The following ATP8A2 variants were observed in gnomAD, a reference collection of about 807,000 sequenced individuals.
The protein encoded by ATP8A2 is phospholipid-transporting ATPase IB.
Under a neutral mutation model 165.6 loss-of-function variants are expected in ATP8A2, and 100 were observed. The ratio of observed to expected loss-of-function variants is 0.60; its 90% CI spans 0.51 to 0.71. The LOEUF (loss-of-function observed/expected upper bound fraction) is 0.71. Among genes scored for constraint, ATP8A2 ranks in the 30% least tolerant of loss-of-function variants. The probability of loss-of-function intolerance (pLI) is 0.00; values close to 1 mark genes in which losing one functional copy is unlikely to be tolerated. For missense variants in ATP8A2, 1,227 were observed against 1,479.5 expected (o/e 0.83, Z 2.80); for synonymous variants, 543 against 548.8 (o/e 0.99, Z 0.15).
intron 28 of ATP8A2, among the ~76,000 whole-genome samples, chr13:25,833,109 C>T (rs752075874): frequency 1.3e-5 from 2 of 150,642 alleles, no homozygotes; most frequent in Non-Finnish European, 1.5e-5. Flanking sequence ...CCTAGAAATG[C>T]AAAGGAAGTA....
At chr13:25,768,076 T>TGGGGGGGGGGGGGGGG (rs397942177) in intron 25 of ATP8A2, among the ~76,000 whole-genome samples, 1 of 49,322 alleles carries the variant, frequency 2.0e-5, no homozygotes, top group African/African-American at 5.6e-5. Context: ...TGTGGTGGCG[T>TGGGGGGGGGGGGGGGG]GGGGGGGGGG....
intron 33 of ATP8A2, among the ~76,000 whole-genome samples, chr13:25,919,050 T>G (rs74039601): frequency 1.1e-3 from 164 of 152,296 alleles, no homozygotes; most frequent in African/African-American, 3.9e-3. Flanking sequence ...GATAATGAAT[T>G]CTCTTTTTTA....
intron 24 of ATP8A2, among the ~76,000 whole-genome samples, chr13:25,696,464 A>G (rs770136343): frequency 1.2e-4 from 19 of 152,196 alleles, no homozygotes; most frequent in Non-Finnish European, 2.6e-4. Context: ...TACATTGAAA[A>G]TCTGTTATTC....
At position 25,988,146 on chromosome 13, in the gene ATP8A2, C is replaced by T. The variant is rs546607552; in HGVS notation, c.3377+19467C>T. Among the ~76,000 whole-genome samples the T allele has an allele frequency of 5.9e-5, 9 of 152,342 alleles. No individual in the cohort carries two copies. The South Asian group carries it at 1.9e-3, about 32-fold the overall frequency. ...ATGGAGACTTGTCACAGGTTGGTGA[C>T]TGAGAAGGGTCCACCTGAAACACTT... On this transcript the variant is annotated intron_variant, in intron 35 of 36. Coordinates refer to ENST00000381655, the MANE Select transcript of ATP8A2 (RefSeq NM_016529.6).
In ATP8A2 at chr13:25,642,167, A is replaced by G. The variant is rs570085418; in HGVS notation, c.2211+52468A>G. Reference sequence around the variant, plus strand: ...AAAACCCTAGAAGAAAACCTAGGCAATACCATTCAGGACATAGGCATGGGC... The same window carrying G: ...AAAACCCTAGAAGAAAACCTAGGCAGTACCATTCAGGACATAGGCATGGGC... On this transcript the variant is annotated intron_variant, in intron 24 of 36. Coordinates refer to ENST00000381655, the MANE Select transcript of ATP8A2 (RefSeq NM_016529.6). Among the ~76,000 whole-genome samples the G allele has an allele frequency of 4.4e-3, 667 of 152,308 alleles. 7 individuals are homozygous for G. Among genetic ancestry groups the G allele is most frequent in the Non-Finnish European group, 5.0e-3 (340 of 68,014 alleles).
intron 30 of ATP8A2, among the ~76,000 whole-genome samples, chr13:25,855,023 G>A (rs1952117459): frequency 6.6e-6 from 1 of 152,060 alleles, no homozygotes; most frequent in Non-Finnish European, 1.5e-5. Flanking sequence ...GGCTAAGGCA[G>A]GTGGATCACC....
intron 24 of ATP8A2, among the ~76,000 whole-genome samples, chr13:25,643,762 A>G (rs1473581421): frequency 2.7e-5 from 4 of 149,692 alleles, no homozygotes; most frequent in Non-Finnish European, 4.4e-5. Flanking sequence ...TCAGTTCCAG[A>G]TGAATTTTAG....
intron 1 of ATP8A2, among the ~76,000 whole-genome samples, chr13:25,376,777 A>G (rs965282939): frequency 6.6e-6 from 1 of 152,230 alleles, no homozygotes; most frequent in African/African-American, 2.4e-5. Flanking sequence ...TCCTTTCTAA[A>G]TCTAATGATG....
chr13:25,553,880 T>C lies in ATP8A2; in HGVS notation c.1145T>C (p.Leu382Pro), dbSNP rs2038897896. 6.2e-7 allele frequency: 1 copy of C among 1,613,710 alleles called. No individual in the cohort carries two copies. Among genetic ancestry groups the C allele is most frequent in the African/African-American group, 1.3e-5 (1 of 74,936 alleles). ...NLIPISLLVTLEVVKYTQALF... is the reference protein window; with the variant it reads ...NLIPISLLVTPEVVKYTQALF... ...ATTCCCATCAGTCTGTTGGTGACTC[T>C]TGAGGTTGTGAAGTATACTCAAGCC... is the stretch of plus-strand genomic sequence containing the variant. Residue 382 changes from leucine (L) to proline (P), a missense_variant, in exon 12 of 37, where the codon CTT becomes CCT. By Grantham distance (98) the Leu-to-Pro change is moderately conservative. Around this residue, in one of 5 missense-constraint regions of ATP8A2, gnomAD observed 592 missense variants for 785.6 expected, o/e 0.75. Transcript: ENST00000381655.
At chr13:25,839,712 C>A in intron 30 of ATP8A2, 88 bp downstream of exon 30, 1 of 1,062,056 alleles carries the variant, frequency 9.4e-7, no homozygotes. Context: ...TCCAGTTCTG[C>A]AGAACAAGAG....
At chr13:25,526,856 AG>A (rs1171483987) in intron 2 of ATP8A2, among the ~76,000 whole-genome samples, 1 of 152,196 alleles carries the variant, frequency 6.6e-6, no homozygotes, top group African/African-American at 2.4e-5. Flanking sequence ...AGGTAGGAAC[AG>A]GTATCCTGCC....
chr13:25,963,775 C>G (rs1237134589), intron 34 of ATP8A2, among the ~76,000 whole-genome samples: 1 of 152,254 alleles, frequency 6.6e-6, no homozygotes, highest in East Asian at 1.9e-4. Context: ...TGTCCATTTT[C>G]TGGCTCTTTT....
chr13:25,971,855 G>A (rs945138695), intron 35 of ATP8A2, among the ~76,000 whole-genome samples: 3 of 152,072 alleles, frequency 2.0e-5, no homozygotes, highest in African/African-American at 7.2e-5. Context: ...CAGGCCAGGA[G>A]CCCATCCTCC....
At chr13:25,748,632 C>G (rs999723912) in intron 25 of ATP8A2, among the ~76,000 whole-genome samples, 10 of 152,112 alleles carry the variant, frequency 6.6e-5, no homozygotes, top group Non-Finnish European at 1.3e-4. Context: ...GTAAATTAAT[C>G]AAAAGAAGTT....
At chr13:25,562,483 C>T (rs896231369) in intron 15 of ATP8A2, among the ~76,000 whole-genome samples, 1 of 152,138 alleles carries the variant, frequency 6.6e-6, no homozygotes, top group African/African-American at 2.4e-5. Context: ...GGATTGCCTG[C>T]CTGGAGAATG....
intron 25 of ATP8A2, among the ~76,000 whole-genome samples, chr13:25,720,149 G>A (rs143543170): frequency 0.011 from 1,556 of 147,546 alleles, 26 homozygotes; most frequent in African/African-American, 0.037. Flanking sequence ...CATGACCTCC[G>A]ATAAATGTAT....
intron 1 of ATP8A2, among the ~76,000 whole-genome samples, chr13:25,384,872 T>C (rs11149389): frequency 0.06 from 9,101 of 152,172 alleles, 778 homozygotes; most frequent in African/African-American, 0.19. Flanking sequence ...CAGTCGGGAG[T>C]CCCAGGAGGA....
intron 27 of ATP8A2, among the ~76,000 whole-genome samples, chr13:25,808,137 T>C (rs901694445): frequency 2.0e-5 from 3 of 151,816 alleles, no homozygotes; most frequent in Non-Finnish European, 4.4e-5. Context: ...CCAAGACTTT[T>C]TTTTTTTTTT....
chr13:25,433,511 C>G (rs753453292), intron 1 of ATP8A2, among the ~76,000 whole-genome samples: 1 of 152,082 alleles, frequency 6.6e-6, no homozygotes, highest in Non-Finnish European at 1.5e-5. Flanking sequence ...TGGGCTCAAG[C>G]AATCCTCCTG....
Sources: gnomAD v4.1 joint callset for allele counts (sites outside exome capture counted in the v4.1 genomes callset) on GRCh38, gnomAD v4.1.1 for gene constraint, gnomAD v4.1.1 regional missense constraint, MANE v1.5 for transcripts, NCBI Gene and HGNC (gene_info 2026-07-23, HGNC 2026-07-21) for gene names.